DAGLB: variants seen among roughly 807,000 people sequenced by gnomAD.
The protein encoded by DAGLB is diacylglycerol lipase-beta.
In DAGLB, 66 loss-of-function variants were observed where a neutral mutation model predicts 72.1. The observed-to-expected ratio is 0.92, with a 90% CI of 0.75 to 1.12. The LOEUF (loss-of-function observed/expected upper bound fraction) is 1.12. Among genes scored for constraint, DAGLB ranks in the 50% most tolerant of loss-of-function variants. The pLI, the probability that DAGLB is intolerant of heterozygous loss-of-function variation, is 0.00. For synonymous variants in DAGLB, 414 were observed against 359.5 expected (o/e 1.15, Z -1.71); for missense variants, 1,065 against 884.9 (o/e 1.20, Z -2.58).
chr7:6,432,839 G>C lies in DAGLB; in HGVS notation c.799C>G (p.Gln267Glu). 3 of 1,613,468 alleles carry C rather than the reference G, an allele frequency of 1.9e-6. No individual in the cohort carries two copies. Among genetic ancestry groups the C allele is most frequent in the Non-Finnish European group, 1.7e-6 (2 of 1,179,894 alleles). The part of the protein sequence containing the change: ...QVVCHAPGSS[Q>E]EADLDAELEN... ...ACACTCCATGAAGCCAGGCTCACCT[G>C]GGAGCTCCCTGGGGCATGGCAGACC... The change falls in exon 5 of 15, where the codon CAG becomes GAG. Residue 267 changes from glutamine to glutamate, a missense_variant and splice_region_variant. Physicochemically the swap from Gln to Glu is conservative, Grantham distance 29 (BLOSUM62 2). Transcript: ENST00000297056.
chr7:6,420,269 G>A lies in DAGLB; in HGVS notation c.1218+1458C>T, dbSNP rs914267651. ...AGCCTGGCCAACATGGTGAAACCCCGTCTCTACTAAAAATACAAAAATCAG... is the reference window on the plus strand; with the variant it reads ...AGCCTGGCCAACATGGTGAAACCCCATCTCTACTAAAAATACAAAAATCAG... On this transcript the variant is annotated intron_variant, in intron 9 of 14. Coordinates refer to ENST00000297056, the MANE Select transcript of DAGLB (RefSeq NM_139179.4). 5.6e-4 allele frequency among the ~76,000 whole-genome samples: 85 copies of A among 151,898 alleles called. 1 individual carries two copies. The highest frequency in any genetic ancestry group is 1.8e-3 in the African/African-American group (76 of 41,436).
At chr7:6,413,597 T>C (rs2115240802) in intron 11 of DAGLB, among the ~76,000 whole-genome samples, 1 of 146,210 alleles carries the variant, frequency 6.8e-6, no homozygotes, top group East Asian at 2.0e-4. Context: ...GCCACTGCAC[T>C]CCAGCCTGGG....
At chr7:6,429,729 C>T (rs1346697906) in intron 6 of DAGLB, among the ~76,000 whole-genome samples, 3 of 151,952 alleles carry the variant, frequency 2.0e-5, no homozygotes, top group African/African-American at 4.8e-5. Context: ...AGTGAAACCC[C>T]GTCTCTACTA....
At chr7:6,436,868 C>T (rs1253094855) in intron 2 of DAGLB, among the ~76,000 whole-genome samples, 2 of 151,872 alleles carry the variant, frequency 1.3e-5, no homozygotes, top group African/African-American at 4.8e-5. Flanking sequence ...ATGCTGGGGC[C>T]GGGCACGGTG....
Position 6,447,914 on chromosome 7 carries a change from C to A in DAGLB, c.-72G>T, listed in dbSNP as rs1429205453. ...TCACCGAGAACAAACCAGCACCCTC[C>A]GGACGCCGCCACCAAATTATCGGCG... is the stretch of plus-strand genomic sequence containing the variant. On this transcript the variant is annotated 5_prime_UTR_variant, in exon 1 of 15. Coordinates refer to ENST00000297056, the MANE Select transcript of DAGLB (RefSeq NM_139179.4). 1 of 1,483,006 alleles carries A rather than the reference C, an allele frequency of 6.7e-7. No homozygotes were observed. The highest frequency in any genetic ancestry group is 8.9e-7 in the Non-Finnish European group (1 of 1,118,910). The allele number at this position is 1,483,006 out of a possible 1,614,324, so 91.9% of individuals were successfully genotyped here.
chr7:6,444,956 C>T (rs1241501919), intron 2 of DAGLB, among the ~76,000 whole-genome samples: 1 of 151,942 alleles, frequency 6.6e-6, no homozygotes, highest in African/African-American at 2.4e-5. Flanking sequence ...TACCACTTCA[C>T]ATTCACTAGG....
intron 5 of DAGLB, among the ~76,000 whole-genome samples, chr7:6,431,281 C>T (rs185270541): frequency 2.0e-5 from 3 of 152,138 alleles, no homozygotes; most frequent in Non-Finnish European, 2.9e-5. Flanking sequence ...ATACCGTCTA[C>T]GTGCAATTTT....
Position 6,416,622 on chromosome 7 carries a change from C to A in DAGLB, c.1427+5G>T. The A allele has an allele frequency of 6.3e-7, 1 of 1,592,538 alleles. No individual in the cohort carries two copies. Among genetic ancestry groups the A allele is most frequent in the Non-Finnish European group, 8.5e-7 (1 of 1,170,456 alleles). On this transcript the variant is annotated splice_donor_5th_base_variant and intron_variant, in intron 11 of 14. Transcript: ENST00000297056. ...AGCTGTTAGAGCAGGAAAACAAAGG[C>A]TCACCTCCACAGCCCCCGGGGTGGG... is the stretch of plus-strand genomic sequence containing the variant.
At chr7:6,424,353 G>A (rs1431765538) in intron 8 of DAGLB, among the ~76,000 whole-genome samples, 1 of 152,156 alleles carries the variant, frequency 6.6e-6, no homozygotes, top group Non-Finnish European at 1.5e-5. Flanking sequence ...CAGCGGGGCT[G>A]GTGGCCAGGG....
rs564999974 is a variant in DAGLB, at chr7:6,444,983, A to G, written c.247+970T>C. On this transcript the variant is annotated intron_variant, in intron 2 of 14. Coordinates refer to ENST00000297056, the MANE Select transcript of DAGLB (RefSeq NM_139179.4). The stretch of plus-strand genomic sequence containing the variant: ...TTCACTAGGATGGCTATAATTAACA[A>G]GTCATATAATAAGAGCGTTGGGCAA... Among the ~76,000 whole-genome samples the G allele has an allele frequency of 5.5e-3, 829 of 149,666 alleles. 3 individuals carry two copies. Among genetic ancestry groups the G allele is most frequent in the Non-Finnish European group, 8.2e-3 (557 of 67,896 alleles).
chr7:6,410,330 G>C lies in DAGLB; in HGVS notation c.1620C>G (p.Pro540=). ...GLWYELFGGN[P]NNLPTELDGG... ...CGTCCAGCTCCGTGGGCAAGTTGTT[G>C]GGGTTTCCTCCAAACAGTTCGTACC... The change falls in exon 14 of 15, where the codon CCC becomes CCG. Residue 540 remains proline (P), a synonymous_variant. Transcript: ENST00000297056. The C allele has an allele frequency of 6.2e-7, 1 of 1,614,058 alleles. No individual in the cohort carries two copies. The highest frequency in any genetic ancestry group is 1.1e-5 in the South Asian group (1 of 91,060).
intron 2 of DAGLB, 102 bp from the exon 3 acceptor site, chr7:6,436,635 T>G (rs1784667895): frequency 2.1e-6 from 3 of 1,428,094 alleles, no homozygotes; most frequent in Non-Finnish European, 1.9e-6. Context: ...ATTTGTACTG[T>G]GCACACCCGC....
chr7:6,420,463 G>A (rs955350252), intron 9 of DAGLB, among the ~76,000 whole-genome samples: 6 of 151,622 alleles, frequency 4.0e-5, no homozygotes, highest in Non-Finnish European at 8.8e-5. Flanking sequence ...AAAAGAAACA[G>A]GCCACTGACA....
rs768282764 is a variant in DAGLB, at chr7:6,426,061, C to A, written c.983G>T (p.Cys328Phe). 1 of 1,613,980 alleles carries A rather than the reference C, an allele frequency of 6.2e-7. No homozygotes were observed. Among genetic ancestry groups the A allele is most frequent in the African/African-American group, 1.3e-5 (1 of 74,940 alleles). Residue 328 changes from cysteine (C) to phenylalanine (F), a missense_variant, in exon 7 of 15, where the codon TGT (cysteine) becomes TTT (phenylalanine). Transcript: ENST00000297056. ...YDLVGGDQLNCHFGSILHTTG... is the reference protein window; with the variant it reads ...YDLVGGDQLNFHFGSILHTTG... ...GGTGTGCAGGATGGAGCCGAAGTGA[C>A]AGTTGAGCTGATCGCCTCCGACCAA...
intron 3 of DAGLB, among the ~76,000 whole-genome samples, chr7:6,435,710 T>C (rs1413949672): frequency 2.6e-5 from 4 of 152,130 alleles, no homozygotes; most frequent in African/African-American, 4.8e-5. Flanking sequence ...AGTACTCTGA[T>C]AGGCCTCTCA....
At chr7:6,421,618 C>G (rs1784125068) in intron 9 of DAGLB, 109 bp downstream of exon 9, 1 of 904,760 alleles carries the variant, frequency 1.1e-6, no homozygotes, top group Non-Finnish European at 1.6e-6. Flanking sequence ...GAGGCGCAGG[C>G]AGCGCGGGAG....
At chr7:6,417,345 A>T (rs702486) in intron 9 of DAGLB, 1 of 158,092 alleles carries the variant, frequency 6.3e-6, no homozygotes, top group Non-Finnish European at 1.4e-5. Flanking sequence ...GGTCGCTGGA[A>T]CACATGAAGT....
chr7:6,434,681 T>A, intron 4 of DAGLB, 81 bp downstream of exon 4: 1 of 1,584,040 alleles, frequency 6.3e-7, no homozygotes, highest in African/African-American at 1.4e-5. Flanking sequence ...AACGCGGTTT[T>A]ATGGGAACAG....
At chr7:6,432,758 A>G (rs1406476063) in intron 5 of DAGLB, 79 bp downstream of exon 5, 42 of 1,488,680 alleles carry the variant, frequency 2.8e-5, no homozygotes, top group Non-Finnish European at 3.6e-5. Flanking sequence ...AGAAATTGCT[A>G]TAGGTTAGCT....
Sources: allele counts gnomAD v4.1 joint callset (sites outside exome capture counted in the v4.1 genomes callset), GRCh38; gene constraint gnomAD v4.1.1; transcripts MANE v1.5; gene names NCBI Gene and HGNC (gene_info 2026-07-23, HGNC 2026-07-21).